Variants in DLGAP1 observed in about 807,000 individuals in gnomAD.
DLGAP1 encodes the protein disks large-associated protein 1.
DLGAP1 carries 11 observed loss-of-function variants against 90.8 expected under a neutral mutation model. That is an observed-to-expected ratio of 0.12 (90% CI 0.08 to 0.20). DLGAP1 has a LOEUF of 0.20. Among genes scored for constraint, DLGAP1 ranks in the 10% least tolerant of loss-of-function variants. The pLI is 1.00. For synonymous variants in DLGAP1, 558 were observed against 540.7 expected, an observed-to-expected ratio of 1.03 and a Z score of -0.44; for missense variants, 1,050 against 1,333.8, an observed-to-expected ratio of 0.79 and a Z score of 3.31.
chr18:3,770,189 G>C (rs1165279571), intron 5 of DLGAP1: 2 of 152,192 alleles, frequency 1.3e-5, no homozygotes, highest in Non-Finnish European at 2.9e-5. Flanking sequence ...GTGGACTTGG[G>C]ACCTGGTTGG....
At chr18:4,292,488 T>TA (rs2079874326) in intron 1 of DLGAP1, among the ~76,000 whole-genome samples, 1 of 152,158 alleles carries the variant, frequency 6.6e-6, no homozygotes, top group Non-Finnish European at 1.5e-5. Flanking sequence ...TGTTGTTGGA[T>TA]AATCTCTTAC....
At chr18:3,710,333 T>C (rs1295308275) in intron 7 of DLGAP1, among the ~76,000 whole-genome samples, 4 of 152,226 alleles carry the variant, frequency 2.6e-5, no homozygotes, top group Non-Finnish European at 2.9e-5. Context: ...AGATTTTTGA[T>C]AGGGGCCCTA....
At chr18:3,971,638 CTT>C (rs1327683758) in intron 3 of DLGAP1, among the ~76,000 whole-genome samples, 1 of 152,158 alleles carries the variant, frequency 6.6e-6, no homozygotes, top group Admixed American at 6.5e-5. Context: ...TTTTAAGACT[CTT>C]TTGTCCATCT....
At chr18:3,884,759 G>T (rs2071266236) in intron 3 of DLGAP1, among the ~76,000 whole-genome samples, 1 of 152,170 alleles carries the variant, frequency 6.6e-6, no homozygotes, top group South Asian at 2.1e-4. Context: ...TTCTTGGAGG[G>T]TAACAAATTG....
At chr18:3,646,841 C>T (rs1473313272) in intron 7 of DLGAP1, among the ~76,000 whole-genome samples, 2 of 152,140 alleles carry the variant, frequency 1.3e-5, no homozygotes, top group Non-Finnish European at 2.9e-5. Flanking sequence ...AGGAGAATGG[C>T]TTGAACCCGG....
chr18:3,732,615 T>A (rs1019136600), intron 6 of DLGAP1, among the ~76,000 whole-genome samples: 8 of 152,218 alleles, frequency 5.3e-5, no homozygotes, highest in African/African-American at 1.9e-4. Flanking sequence ...TTTAAGTCAA[T>A]TGAAATAATT....
chr18:3,851,990 T>A (rs1355402299), intron 4 of DLGAP1, among the ~76,000 whole-genome samples: 4 of 151,834 alleles, frequency 2.6e-5, no homozygotes, highest in South Asian at 2.1e-4. Context: ...AAAATGCAAG[T>A]AAATTATACA....
chr18:4,060,487 C>A (rs1334881324), intron 2 of DLGAP1, among the ~76,000 whole-genome samples: 2 of 152,238 alleles, frequency 1.3e-5, no homozygotes, highest in African/African-American at 2.4e-5. Context: ...GCAACTTTAA[C>A]CTCGACAGTC....
intron 2 of DLGAP1, among the ~76,000 whole-genome samples, chr18:4,018,387 T>C (rs565256885): frequency 8.0e-4 from 122 of 152,324 alleles, no homozygotes; most frequent in Middle Eastern, 6.8e-3. Flanking sequence ...GGAGGAAGCA[T>C]GACCTCGTGT....
intron 5 of DLGAP1, among the ~76,000 whole-genome samples, chr18:3,795,470 C>T (rs1048144594): frequency 1.3e-5 from 2 of 152,010 alleles, no homozygotes; most frequent in African/African-American, 4.8e-5. Context: ...CGCCCACCAC[C>T]ACGCCCAGCT....
intron 7 of DLGAP1, chr18:3,655,803 C>T (rs1203627330): frequency 2.6e-6 from 1 of 391,520 alleles, no homozygotes; most frequent in Non-Finnish European, 4.6e-6. Flanking sequence ...ACAGAAGAGC[C>T]CAGGCTCGCT....
At chr18:4,057,497 C>T (rs1000836163) in intron 2 of DLGAP1, among the ~76,000 whole-genome samples, 16 of 152,184 alleles carry the variant, frequency 1.1e-4, no homozygotes, top group African/African-American at 3.9e-4. Flanking sequence ...GGAGAAGGAT[C>T]GCAATCCCCC....
intron 8 of DLGAP1, among the ~76,000 whole-genome samples, chr18:3,568,586 A>T (rs969477888): frequency 6.6e-6 from 1 of 152,142 alleles, no homozygotes; most frequent in Non-Finnish European, 1.5e-5. Context: ...ACAGAAATAT[A>T]TAATGTAGAA....
intron 3 of DLGAP1, among the ~76,000 whole-genome samples, chr18:3,905,092 G>C (rs2071867450): frequency 6.6e-6 from 1 of 151,428 alleles, no homozygotes; most frequent in South Asian, 2.1e-4. Context: ...AATAGGCCGG[G>C]CATGGTGGCT....
At chr18:4,087,302 A>G (rs573559138) in intron 2 of DLGAP1, among the ~76,000 whole-genome samples, 35 of 152,070 alleles carry the variant, frequency 2.3e-4, no homozygotes, top group African/African-American at 8.2e-4. Flanking sequence ...GCACTGTGAC[A>G]TGCTTATGAT....
At chr18:4,195,545 T>G (rs150765191) in intron 1 of DLGAP1, among the ~76,000 whole-genome samples, 8 of 152,270 alleles carry the variant, frequency 5.3e-5, no homozygotes, top group African/African-American at 1.9e-4. Context: ...AGATGACTAC[T>G]TTTTATCTAT....
At chr18:3,969,824 T>A (rs2073407159) in intron 3 of DLGAP1, among the ~76,000 whole-genome samples, 1 of 152,214 alleles carries the variant, frequency 6.6e-6, no homozygotes, top group South Asian at 2.1e-4. Context: ...GATCCTTATA[T>A]AATTTTTTAA....
At chr18:4,142,284 G>T (rs897501026) in intron 2 of DLGAP1, among the ~76,000 whole-genome samples, 2 of 152,164 alleles carry the variant, frequency 1.3e-5, no homozygotes, top group African/African-American at 2.4e-5. Context: ...TCAGAGAGTA[G>T]TTAAAATGTT....
intron 1 of DLGAP1, among the ~76,000 whole-genome samples, chr18:4,253,193 G>A (rs1348859158): frequency 2.0e-5 from 3 of 152,102 alleles, no homozygotes; most frequent in East Asian, 1.9e-4. Context: ...AATGCATTAC[G>A]CAGTAGGATT....
Sources: gnomAD v4.1 joint callset for allele counts (sites outside exome capture counted in the v4.1 genomes callset) on GRCh38, gnomAD v4.1.1 for gene constraint, MANE v1.5 for transcripts, NCBI Gene and HGNC (gene_info 2026-07-23, HGNC 2026-07-21) for gene names.